HOXB3: variants seen among roughly 807,000 people sequenced by gnomAD.
HOXB3 encodes the protein homeobox B3, also known as homeobox protein Hox-B3.
HOXB3 carries 17 observed loss-of-function variants against 29.2 expected under a neutral mutation model. The observed-to-expected ratio is 0.58, with a 90% CI of 0.40 to 0.87. HOXB3 has a LOEUF of 0.87. Ranked by LOEUF, HOXB3 falls within the 40% of genes least tolerant of loss-of-function variation. The pLI, the probability that HOXB3 is intolerant of heterozygous loss-of-function variation, is 0.00. For synonymous variants in HOXB3, 317 were observed against 285.9 expected (o/e 1.11, Z -1.10); for missense variants, 637 against 616.3 (o/e 1.03, Z -0.35).
At chr17:48,585,573 G>GC (rs1412507222) in intron 1 of HOXB3, among the ~76,000 whole-genome samples, 1 of 152,204 alleles carries the variant, frequency 6.6e-6, no homozygotes, top group Non-Finnish European at 1.5e-5. Flanking sequence ...TACAGCCTCT[G>GC]CCTCTGGTCC....
At chr17:48,570,149 T>C (rs902569386) in intron 2 of HOXB3, among the ~76,000 whole-genome samples, 2 of 152,114 alleles carry the variant, frequency 1.3e-5, no homozygotes, top group African/African-American at 4.8e-5. Flanking sequence ...CACCCCGAGC[T>C]TCCAATCAAC....
rs759045256 is a variant in HOXB3, at chr17:48,550,958, C to G, written c.672G>C (p.Leu224=). The G allele has an allele frequency of 6.2e-6, 10 of 1,613,922 alleles. No individual in the cohort carries two copies. The highest frequency in any genetic ancestry group is 8.5e-6 in the Non-Finnish European group (10 of 1,179,918). ...CRPRRVEMAN[L]LNLSERQIKI... ...TGATCTGCCGCTCGCTGAGGTTCAG[C>G]AGGTTGGCCATCTCTACACGGCGAG... Residue 224 remains leucine, a synonymous_variant, in exon 5 of 5, where the codon CTG becomes CTC. Coordinates refer to ENST00000498678, the MANE Select transcript of HOXB3 (RefSeq NM_001384749.1).
Position 48,550,492 on chromosome 17 carries a change from G to T in HOXB3, c.1138C>A (p.Pro380Thr). 1 of 1,606,140 alleles carries T rather than the reference G, an allele frequency of 6.2e-7. No individual in the cohort carries two copies. Among genetic ancestry groups the T allele is most frequent in the Non-Finnish European group, 8.5e-7 (1 of 1,178,172 alleles). The part of the protein sequence containing the change: ...LYGLNHLSHH[P>T]SGNLDYNGAP... Reference sequence around the variant, plus strand: ...CCGTTGTAGTCCAGGTTCCCGGAAGGGTGATGGGAAAGGTGGTTGAGGCCA... The same window carrying T: ...CCGTTGTAGTCCAGGTTCCCGGAAGTGTGATGGGAAAGGTGGTTGAGGCCA... The change falls in exon 5 of 5, where the codon CCT (proline) becomes ACT (threonine). Residue 380 changes from proline to threonine, a missense_variant. By Grantham distance (38) the Pro-to-Thr change is conservative. Coordinates refer to ENST00000498678, the MANE Select transcript of HOXB3 (RefSeq NM_001384749.1).
At chr17:48,557,726 TTTCTGTGTTTATTAGCTATTA>T (rs1452698858) in intron 2 of HOXB3, among the ~76,000 whole-genome samples, 1 of 152,162 alleles carries the variant, frequency 6.6e-6, no homozygotes, top group Non-Finnish European at 1.5e-5. Flanking sequence ...GGGAGCTATT[TTTCTGTGTTTATTAGCTATTA>T]TTCTGTGTTT....
In HOXB3 at chr17:48,578,036, G is replaced by T. The variant is rs549239397; in HGVS notation, c.-424-4022C>A. ...GAGGAGGGCCCCGGCGGGTGGCGGCGCAGGAGCCCGAGGGGACAGACCGGG... is the reference window on the plus strand; with the variant it reads ...GAGGAGGGCCCCGGCGGGTGGCGGCTCAGGAGCCCGAGGGGACAGACCGGG... On this transcript the variant is annotated intron_variant, in intron 1 of 4. Coordinates refer to ENST00000498678, the MANE Select transcript of HOXB3 (RefSeq NM_001384749.1). 9.3e-4 allele frequency: 1,144 copies of T among 1,227,044 alleles called. 4 individuals carry two copies. Among genetic ancestry groups the T allele is most frequent in the South Asian group, 2.4e-3 (61 of 25,238 alleles). The allele number at this position is 1,227,044 out of a possible 1,614,324, so 76.0% of individuals were successfully genotyped here.
intron 1 of HOXB3, chr17:48,578,487 C>T (rs2069844777): frequency 7.2e-6 from 6 of 831,676 alleles, no homozygotes; most frequent in Non-Finnish European, 1.1e-5. Flanking sequence ...ATAAGGAAAT[C>T]TGCTCACCCG....
At position 48,554,723 on chromosome 17, in the gene HOXB3, C is replaced by T. The variant is rs1257416502; in HGVS notation, c.-159+808G>A. 3 of 702,238 alleles carry T rather than the reference C, an allele frequency of 4.3e-6. No homozygotes were observed. Among genetic ancestry groups the T allele is most frequent in the South Asian group, 1.5e-5 (1 of 67,596 alleles). The allele number at this position is 702,238 out of a possible 1,614,324, so 43.5% of individuals were successfully genotyped here. Reference sequence around the variant, plus strand: ...CCCAGCACACCAGCCGGCCGAGGGCCGAGCCCCGCGGGCGGCAGCAAGTTT... The same window carrying T: ...CCCAGCACACCAGCCGGCCGAGGGCTGAGCCCCGCGGGCGGCAGCAAGTTT... On this transcript the variant is annotated intron_variant, in intron 3 of 4. Transcript: ENST00000498678. The surrounding 1 kb of genome is among the most constrained non-coding windows in gnomAD (Gnocchi z 4.1).
chr17:48,578,131 C>CTGCACGG, intron 1 of HOXB3: 1 of 1,535,722 alleles, frequency 6.5e-7, no homozygotes, highest in Non-Finnish European at 8.9e-7. Flanking sequence ...CCGCGTAGCG[C>CTGCACGG]TGCACGGTGC....
chr17:48,566,109 G>A (rs2069378502), intron 2 of HOXB3, among the ~76,000 whole-genome samples: 1 of 152,202 alleles, frequency 6.6e-6, no homozygotes, highest in South Asian at 2.1e-4. Flanking sequence ...CTGTCTACCA[G>A]ATGCATTCTA....
Position 48,576,657 on chromosome 17 carries a change from A to G in HOXB3, c.-424-2643T>C. On this transcript the variant is annotated intron_variant, in intron 1 of 4. Transcript: ENST00000498678. ...CCCCAGGGCCCCCTCCTGTCCCCCC[A>G]CCCCATCCCCTGCACTCACTGCCCA... 2.4e-5 allele frequency: 3 copies of G among 126,962 alleles called. No homozygotes were observed. In the South Asian group the frequency reaches 3.3e-4, roughly 14 times the overall value. The allele number at this position is 126,962 out of a possible 1,614,324, so 7.9% of individuals were successfully genotyped here.
rs569398186 is a variant in HOXB3 at position 48,555,259 on chromosome 17, T to G, written c.-159+272A>C. The G allele has an allele frequency of 3.2e-5, 17 of 528,756 alleles. No individual in the cohort carries two copies. In the South Asian group the frequency reaches 3.8e-4, roughly 12 times the overall value. The allele number at this position is 528,756 out of a possible 1,614,324, so 32.8% of individuals were successfully genotyped here. ...AGCAGCCGCGGAGAAAATTCAGCCC[T>G]GGATCTGGCTGCTGAAAGAAAAGAG... On this transcript the variant is annotated intron_variant, in intron 3 of 4. Coordinates refer to ENST00000498678, the MANE Select transcript of HOXB3 (RefSeq NM_001384749.1).
Position 48,552,524 on chromosome 17 carries a change from C to T in HOXB3, c.-50G>A, listed in dbSNP as rs758666297. Reference sequence around the variant, plus strand: ...GTGGCAACTTGGAAAGGCCTGATACCCTCAGGACCGGACATTGGCAACCCT... The same window carrying T: ...GTGGCAACTTGGAAAGGCCTGATACTCTCAGGACCGGACATTGGCAACCCT... On this transcript the variant is annotated 5_prime_UTR_variant, in exon 4 of 5. Transcript: ENST00000498678. 1.4e-6 allele frequency: 2 copies of T among 1,461,692 alleles called. No individual in the cohort carries two copies. Among genetic ancestry groups the T allele is most frequent in the Non-Finnish European group, 1.8e-6 (2 of 1,081,106 alleles). The allele number at this position is 1,461,692 out of a possible 1,614,324, so 90.5% of individuals were successfully genotyped here.
In HOXB3 at chr17:48,552,151, C is replaced by A. The variant is rs1438575350; in HGVS notation, c.324G>T (p.Gly108=). The change falls in exon 4 of 5, where the codon GGG becomes GGT. Residue 108 remains glycine (G), a synonymous_variant. Transcript: ENST00000498678. ...ACTTTGGGGGACCACTTTTGCTGGGCCCGCCCCCATTACTGCTGTTGCTAG... is the reference window on the plus strand; with the variant it reads ...ACTTTGGGGGACCACTTTTGCTGGGACCGCCCCCATTACTGCTGTTGCTAG... ...SATSNSSNGG[G]PSKSGPPKCG... is the part of the protein sequence containing the mutation. The A allele has an allele frequency of 1.9e-6, 3 of 1,614,000 alleles. No individual in the cohort carries two copies. The highest frequency in any genetic ancestry group is 2.5e-6 in the Non-Finnish European group (3 of 1,179,944).
At chr17:48,555,173 AAATT>A (rs1227374942) in intron 3 of HOXB3, among the ~76,000 whole-genome samples, 1 of 152,070 alleles carries the variant, frequency 6.6e-6, no homozygotes, top group Non-Finnish European at 1.5e-5. Context: ...GGACTTAAAA[AAATT>A]AATGGGAGAA....
Position 48,567,629 on chromosome 17 carries a change from A to G in HOXB3, c.-247+6208T>C, listed in dbSNP as rs75504528. 3.7e-3 allele frequency among the ~76,000 whole-genome samples: 564 copies of G among 152,290 alleles called. 6 individuals are homozygous for G. The highest frequency in any genetic ancestry group is 0.013 in the African/African-American group (522 of 41,550). On this transcript the variant is annotated intron_variant, in intron 2 of 4. Transcript: ENST00000498678. Reference sequence around the variant, plus strand: ...TAACAGCTCTTCCCCTCCCTCTCCAATCTGCACCCCGTTTGCTCCCTTTTT... The same window carrying G: ...TAACAGCTCTTCCCCTCCCTCTCCAGTCTGCACCCCGTTTGCTCCCTTTTT...
chr17:48,562,353 A>C (rs1355394075), intron 2 of HOXB3, among the ~76,000 whole-genome samples: 3 of 151,258 alleles, frequency 2.0e-5, no homozygotes, highest in Non-Finnish European at 4.4e-5. Context: ...GCATTCCCCC[A>C]GATGGCCAGC....
intron 2 of HOXB3, among the ~76,000 whole-genome samples, chr17:48,557,721 C>CTA (rs1448288046): frequency 1.3e-5 from 2 of 152,078 alleles, no homozygotes; most frequent in Non-Finnish European, 2.9e-5. Flanking sequence ...AGGGTGGGAG[C>CTA]TATTTTTCTG....
intron 1 of HOXB3, chr17:48,578,130 G>A (rs1304282852): frequency 2.6e-6 from 4 of 1,529,792 alleles, no homozygotes; most frequent in Middle Eastern, 2.0e-4. Context: ...GCCGCGTAGC[G>A]CTGCACGGTG....
intron 2 of HOXB3, 38 bp downstream of exon 2, chr17:48,573,799 C>T (rs1195230196): frequency 1.2e-5 from 8 of 692,248 alleles, no homozygotes; most frequent in Middle Eastern, 2.3e-4. Context: ...GCTCATAAAA[C>T]GATCAAAACA....
Sources: gnomAD v4.1 joint callset for allele counts (sites outside exome capture counted in the v4.1 genomes callset) on GRCh38, gnomAD v4.1.1 for gene constraint, Gnocchi (gnomAD v3.1) non-coding constraint, MANE v1.5 for transcripts, NCBI Gene and HGNC (gene_info 2026-07-23, HGNC 2026-07-21) for gene names.